ATP10B: variants seen among roughly 807,000 people sequenced by gnomAD.
The protein encoded by ATP10B is phospholipid-transporting ATPase VB.
A neutral mutation model predicts 141.2 loss-of-function variants in ATP10B; 122 were observed. That is an observed-to-expected ratio of 0.86 (90% CI 0.75 to 1.00). The LOEUF is 1.00. ATP10B is among the 50% of genes least tolerant of loss of function. The probability of loss-of-function intolerance (pLI) is 0.00; values close to 1 mark genes in which losing one functional copy is unlikely to be tolerated. For missense variants in ATP10B, 1,876 were observed against 1,825.3 expected (o/e 1.03, Z -0.51); for synonymous variants, 685 against 692.0 (o/e 0.99, Z 0.16).
At chr5:160,815,362 T>A (rs1344249105) in intron 1 of ATP10B, among the ~76,000 whole-genome samples, 1 of 152,154 alleles carries the variant, frequency 6.6e-6, no homozygotes, top group Non-Finnish European at 1.5e-5. Context: ...AAACAGACTT[T>A]AAATGAACAA....
chr5:160,816,960 T>C (rs184980721), intron 1 of ATP10B, among the ~76,000 whole-genome samples: 2 of 152,308 alleles, frequency 1.3e-5, no homozygotes, highest in African/African-American at 4.8e-5. Flanking sequence ...CAGCACTTCA[T>C]GCTAAAAACT....
At chr5:160,842,090 T>C (rs1561915406) in intron 1 of ATP10B, among the ~76,000 whole-genome samples, 1 of 151,990 alleles carries the variant, frequency 6.6e-6, no homozygotes, top group Non-Finnish European at 1.5e-5. Flanking sequence ...ATAAAGCAAG[T>C]CTCAAAAAAA....
chr5:160,652,746 T>C (rs1458320305), intron 7 of ATP10B, among the ~76,000 whole-genome samples: 1 of 113,848 alleles, frequency 8.8e-6, no homozygotes, highest in African/African-American at 3.5e-5. Context: ...ATTTATGTAC[T>C]ATACATGTAC....
At chr5:160,799,652 C>T (rs1477716778) in intron 1 of ATP10B, among the ~76,000 whole-genome samples, 6 of 152,258 alleles carry the variant, frequency 3.9e-5, no homozygotes, top group Middle Eastern at 6.8e-3. Flanking sequence ...CATTTACAGT[C>T]TGAATTTTGC....
chr5:160,656,825 G>A (rs1275794094), intron 7 of ATP10B, among the ~76,000 whole-genome samples: 1 of 152,128 alleles, frequency 6.6e-6, no homozygotes, highest in Admixed American at 6.5e-5. Flanking sequence ...TCTGTCGATT[G>A]AAGAAAGGGA....
At chr5:160,815,015 C>T (rs574256293) in intron 1 of ATP10B, among the ~76,000 whole-genome samples, 1 of 152,256 alleles carries the variant, frequency 6.6e-6, no homozygotes, top group South Asian at 2.1e-4. Context: ...AAACTGGGAC[C>T]AGCCACTGCA....
chr5:160,868,637 T>C, the ATP10B span, among the ~76,000 whole-genome samples: 2 of 151,712 alleles, frequency 1.3e-5, no homozygotes, highest in Non-Finnish European at 2.9e-5. Flanking sequence ...GAGAAAAGTC[T>C]CTCTTTCCTG....
the ATP10B span, among the ~76,000 whole-genome samples, chr5:160,916,878 T>C: frequency 6.6e-6 from 1 of 152,126 alleles, no homozygotes; most frequent in Non-Finnish European, 1.5e-5. Context: ...TGGACTCTAT[T>C]CTCTTTCCAT....
chr5:160,929,284 T>A, the ATP10B span, among the ~76,000 whole-genome samples: 2 of 152,150 alleles, frequency 1.3e-5, no homozygotes, highest in Non-Finnish European at 2.9e-5. Context: ...TTGGGTGTTT[T>A]TTTTCTGGTG....
In ATP10B at chr5:160,824,442, A is replaced by G. The variant is rs116270748; in HGVS notation, c.-576+27499T>C. Reference sequence around the variant, plus strand: ...TTGCAACTGCTCCCAGGCAAGAGGCATGCCAGAGAAGGTCATGTCTTCTTT... The same window carrying G: ...TTGCAACTGCTCCCAGGCAAGAGGCGTGCCAGAGAAGGTCATGTCTTCTTT... On this transcript the variant is annotated intron_variant, in intron 1 of 25. Coordinates refer to ENST00000327245, the MANE Select transcript of ATP10B (RefSeq NM_025153.3). Among the ~76,000 whole-genome samples the G allele has an allele frequency of 7.0e-3, 1,064 of 152,328 alleles. 15 individuals carry two copies. The highest frequency in any genetic ancestry group is 0.024 in the African/African-American group (997 of 41,580).
chr5:160,859,908 A>G, the ATP10B span, among the ~76,000 whole-genome samples: 1 of 151,980 alleles, frequency 6.6e-6, no homozygotes, highest in Non-Finnish European at 1.5e-5. Context: ...ACACAGTGAT[A>G]GTATCTAAGG....
intron 3 of ATP10B, among the ~76,000 whole-genome samples, chr5:160,700,193 T>G (rs1333119417): frequency 6.6e-6 from 1 of 152,182 alleles, no homozygotes; most frequent in Non-Finnish European, 1.5e-5. Context: ...TGGATGTTCC[T>G]TAGGATCTGG....
At chr5:160,847,178 T>C (rs894554122) in intron 1 of ATP10B, among the ~76,000 whole-genome samples, 3 of 152,188 alleles carry the variant, frequency 2.0e-5, no homozygotes, top group African/African-American at 7.2e-5. Flanking sequence ...AATTTTCAGT[T>C]CAGTGCCTGT....
At chr5:160,735,160 G>T (rs1049208769) in intron 2 of ATP10B, among the ~76,000 whole-genome samples, 9 of 147,540 alleles carry the variant, frequency 6.1e-5, no homozygotes, top group Non-Finnish European at 1.0e-4. Flanking sequence ...TACTTATCAA[G>T]AATAGCACTG....
chr5:160,825,272 G>C (rs1360080883), intron 1 of ATP10B, among the ~76,000 whole-genome samples: 1 of 152,150 alleles, frequency 6.6e-6, no homozygotes, highest in Non-Finnish European at 1.5e-5. Flanking sequence ...ATCTCATCTT[G>C]AATTGTAGCT....
chr5:160,873,849 C>T, the ATP10B span, among the ~76,000 whole-genome samples: 7 of 152,222 alleles, frequency 4.6e-5, no homozygotes, highest in East Asian at 1.9e-4. Flanking sequence ...TGGTGCACCA[C>T]GAGATTATAT....
intron 13 of ATP10B, 146 bp downstream of exon 13, chr5:160,631,981 AAC>A: frequency 3.3e-6 from 2 of 597,862 alleles, no homozygotes; most frequent in Non-Finnish European, 5.7e-6. Context: ...ATGCCAACAA[AAC>A]ACATGTGTGG....
chr5:160,622,245 C>A, intron 14 of ATP10B, 149 bp downstream of exon 14: 1 of 709,372 alleles, frequency 1.4e-6, no homozygotes, highest in Non-Finnish European at 2.2e-6. Flanking sequence ...GGTAAGAGAC[C>A]TATTCTAGGT....
chr5:160,921,109 T>TAAATATTGTCATTCTTCCTCTACAGGATC, the ATP10B span, among the ~76,000 whole-genome samples: 9 of 152,300 alleles, frequency 5.9e-5, no homozygotes, highest in Admixed American at 3.3e-4. Context: ...TCTATCGGAT[T>TAAATATTGTCATTCTTCCTCTACAGGATC]AAATATTGTC....
Sources: allele counts gnomAD v4.1 joint callset (sites outside exome capture counted in the v4.1 genomes callset), GRCh38; gene constraint gnomAD v4.1.1; transcripts MANE v1.5; gene names NCBI Gene and HGNC (gene_info 2026-07-23, HGNC 2026-07-21).